The following TXNL4A variants were observed in gnomAD, a reference collection of about 807,000 sequenced individuals.
TXNL4A encodes the protein thioredoxin like 4A.
Under a neutral mutation model 14.6 loss-of-function variants are expected in TXNL4A, and 17 were observed. That is an observed-to-expected ratio of 1.16 (90% CI 0.80 to 1.74). The LOEUF is 1.74. Among genes scored for constraint, TXNL4A ranks in the 40% most tolerant of loss-of-function variants. The probability of loss-of-function intolerance (pLI) is 0.00; values close to 1 mark genes in which losing one functional copy is unlikely to be tolerated. For synonymous variants in TXNL4A, 83 were observed against 70.6 expected, an observed-to-expected ratio of 1.18 and a Z score of -0.88; for missense variants, 74 against 195.2, an observed-to-expected ratio of 0.38 and a Z score of 3.70.
chr18:80,003,351 G>A (rs2051709694), intron 1 of TXNL4A, among the ~76,000 whole-genome samples: 1 of 152,216 alleles, frequency 6.6e-6, no homozygotes, highest in Non-Finnish European at 1.5e-5. Flanking sequence ...TGTGCCTGCT[G>A]CCTGGACCCA....
intron 1 of TXNL4A, 150 bp from the exon 2 acceptor site, chr18:79,977,851 C>T: frequency 1.6e-6 from 1 of 618,306 alleles, no homozygotes; most frequent in East Asian, 2.7e-5. Flanking sequence ...ACTCTGTCAT[C>T]CTAGAGTGCA....
chr18:80,001,619 C>T (rs1010325956), intron 1 of TXNL4A, among the ~76,000 whole-genome samples: 1 of 152,164 alleles, frequency 6.6e-6, no homozygotes, highest in East Asian at 1.9e-4. Flanking sequence ...CAGTGTGACC[C>T]GGATGTGAGA....
At chr18:80,032,355 G>A (rs2051927423) in intron 1 of TXNL4A, among the ~76,000 whole-genome samples, 1 of 152,194 alleles carries the variant, frequency 6.6e-6, no homozygotes, top group South Asian at 2.1e-4. Flanking sequence ...AAAAAAAAGG[G>A]GGGAAATGTG....
At chr18:79,985,401 T>C (rs544916917) in intron 1 of TXNL4A, among the ~76,000 whole-genome samples, 1 of 151,876 alleles carries the variant, frequency 6.6e-6, no homozygotes, top group Admixed American at 6.6e-5. Context: ...CACAGGCACA[T>C]GCCACAACGC....
chr18:80,006,738 G>C (rs546066928), intron 1 of TXNL4A, among the ~76,000 whole-genome samples: 1 of 152,254 alleles, frequency 6.6e-6, no homozygotes, highest in African/African-American at 2.4e-5. Flanking sequence ...TGCAGAGTGA[G>C]GGGGGTTCTG....
chr18:79,972,109 T>C lies in TXNL4A; in HGVS notation c.*1576A>G, dbSNP rs2051308401. ...GCTTCATTCTGTAAGTACCCTCCCG[T>C]TTCCACAACAGCAATCAATCTCCCG... On this transcript the variant is annotated 3_prime_UTR_variant, in exon 3 of 3. Transcript: ENST00000269601. The C allele has an allele frequency of 6.6e-6, 1 of 152,260 alleles. No individual in the cohort carries two copies. The highest frequency in any genetic ancestry group is 2.4e-5 in the African/African-American group (1 of 41,464). The allele number at this position is 152,260 out of a possible 1,614,324, so 9.4% of individuals were successfully genotyped here.
intron 1 of TXNL4A, among the ~76,000 whole-genome samples, chr18:80,014,920 G>A (rs928169457): frequency 3.9e-5 from 6 of 152,208 alleles, no homozygotes; most frequent in Admixed American, 3.9e-4. Flanking sequence ...TGACTTCTGT[G>A]CGGTCACAGG....
At chr18:79,980,676 C>T (rs1334378352) in intron 1 of TXNL4A, among the ~76,000 whole-genome samples, 1 of 152,222 alleles carries the variant, frequency 6.6e-6, no homozygotes, top group African/African-American at 2.4e-5. Context: ...GTGAAAAAAA[C>T]CGTATCAGAA....
intron 1 of TXNL4A, among the ~76,000 whole-genome samples, chr18:80,026,401 G>A (rs907637073): frequency 5.9e-5 from 9 of 152,082 alleles, no homozygotes; most frequent in Admixed American, 5.9e-4. Flanking sequence ...TGAAATGAAA[G>A]AAAAGGCAGG....
At chr18:80,018,206 G>T (rs1328508824) in intron 1 of TXNL4A, among the ~76,000 whole-genome samples, 1 of 152,160 alleles carries the variant, frequency 6.6e-6, no homozygotes, top group Admixed American at 6.5e-5. Context: ...CAACTATGTG[G>T]AAACTGAACA....
chr18:79,977,336 T>C, intron 2 of TXNL4A: 1 of 511,186 alleles, frequency 2.0e-6, no homozygotes, highest in Non-Finnish European at 3.4e-6. Context: ...ACAACATCTT[T>C]CATTGAATTA....
intron 1 of TXNL4A, among the ~76,000 whole-genome samples, chr18:80,025,483 C>T (rs1024451873): frequency 2.0e-5 from 3 of 152,192 alleles, no homozygotes; most frequent in Non-Finnish European, 4.4e-5. Context: ...GCTGATTCCC[C>T]GACAGCCCCA....
intron 1 of TXNL4A, among the ~76,000 whole-genome samples, chr18:79,987,213 G>C (rs2051564148): frequency 6.6e-6 from 1 of 152,224 alleles, no homozygotes; most frequent in Non-Finnish European, 1.5e-5. Flanking sequence ...AGGGAGTCTT[G>C]TAATAACTAA....
intron 1 of TXNL4A, among the ~76,000 whole-genome samples, chr18:80,000,583 C>G (rs2051692197): frequency 6.6e-6 from 1 of 152,154 alleles, no homozygotes; most frequent in Non-Finnish European, 1.5e-5. Flanking sequence ...AAAGGAAAAC[C>G]CATTTTCTGT....
At chr18:79,990,747 C>A (rs181834836), upstream of TXNL4A, among the ~76,000 whole-genome samples, 16 of 152,292 alleles carry the variant, frequency 1.1e-4, no homozygotes, top group Non-Finnish European at 2.4e-4. Flanking sequence ...TTTTTAAGGA[C>A]ATTAAGTACA....
chr18:80,025,509 CT>C (rs2051878749), intron 1 of TXNL4A, among the ~76,000 whole-genome samples: 1 of 152,242 alleles, frequency 6.6e-6, no homozygotes, highest in Non-Finnish European at 1.5e-5. Flanking sequence ...AGCGTCTCAT[CT>C]GGAAGATGTA....
intron 1 of TXNL4A, among the ~76,000 whole-genome samples, chr18:79,994,399 C>T (rs1374956323): frequency 6.6e-6 from 1 of 152,166 alleles, no homozygotes; most frequent in Non-Finnish European, 1.5e-5. Context: ...AACTGCCAAT[C>T]GAGAACTCTC....
chr18:79,975,634 A>T (rs1255644013), intron 2 of TXNL4A, among the ~76,000 whole-genome samples: 1 of 152,166 alleles, frequency 6.6e-6, no homozygotes, highest in East Asian at 1.9e-4. Context: ...CTGTTAACAG[A>T]AATATGGACT....
chr18:79,990,832 C>T (rs2051622303), upstream of TXNL4A, among the ~76,000 whole-genome samples: 3 of 152,132 alleles, frequency 2.0e-5, no homozygotes, highest in Admixed American at 2.0e-4. Flanking sequence ...TGGCCGGGCG[C>T]GGTGGCTCAC....
Sources: gnomAD v4.1 joint callset for allele counts (sites outside exome capture counted in the v4.1 genomes callset) on GRCh38, gnomAD v4.1.1 for gene constraint, MANE v1.5 for transcripts, NCBI Gene and HGNC (gene_info 2026-07-23, HGNC 2026-07-21) for gene names.